The following SLC4A10 variants were observed in gnomAD, a reference collection of about 807,000 sequenced individuals.
The protein encoded by SLC4A10 is sodium-driven chloride bicarbonate exchanger.
A neutral mutation model predicts 137.7 loss-of-function variants in SLC4A10; 42 were observed. The observed-to-expected ratio is 0.30, with a 90% CI of 0.24 to 0.39. SLC4A10 has a LOEUF of 0.39. Among genes scored for constraint, SLC4A10 ranks in the 10% least tolerant of loss-of-function variants. SLC4A10 has a pLI of 1.00. For synonymous variants in SLC4A10, 474 were observed against 464.1 expected (o/e 1.02, Z -0.27); for missense variants, 925 against 1,355.0 (o/e 0.68, Z 4.98).
intron 15 of SLC4A10, among the ~76,000 whole-genome samples, chr2:161,923,463 G>A (rs1250270930): frequency 6.6e-6 from 1 of 152,030 alleles, no homozygotes; most frequent in African/African-American, 2.4e-5. Flanking sequence ...TTATGTCAGG[G>A]CCCATTCTAG....
chr2:161,869,383 CTAAA>C (rs2060967892), intron 6 of SLC4A10, among the ~76,000 whole-genome samples: 1 of 151,390 alleles, frequency 6.6e-6, no homozygotes, highest in Non-Finnish European at 1.5e-5. Context: ...TTGGCATAAA[CTAAA>C]TAATTGGCAT....
rs572905391 is a variant in SLC4A10 at position 161,841,595 on chromosome 2, T to C, written c.416+1668T>C. Among the ~76,000 whole-genome samples the C allele has an allele frequency of 5.9e-5, 9 of 152,332 alleles. No individual in the cohort carries two copies. The East Asian group carries it at 1.5e-3, about 26-fold the overall frequency. On this transcript the variant is annotated intron_variant, in intron 4 of 26. Transcript: ENST00000446997. Reference sequence around the variant, plus strand: ...ATAAATGCTCAATTATGAAAAAGAATGTTGTGAATAACAATGGCCCAGTTA... The same window carrying C: ...ATAAATGCTCAATTATGAAAAAGAACGTTGTGAATAACAATGGCCCAGTTA...
At chr2:161,787,837 G>A (rs563488948) in intron 2 of SLC4A10, among the ~76,000 whole-genome samples, 2 of 151,844 alleles carry the variant, frequency 1.3e-5, no homozygotes, top group East Asian at 1.9e-4. Flanking sequence ...TCTTTGTATT[G>A]GTTTTCAACA....
At chr2:161,669,800 T>C (rs1220196276) in intron 1 of SLC4A10, among the ~76,000 whole-genome samples, 1 of 152,058 alleles carries the variant, frequency 6.6e-6, no homozygotes, top group Non-Finnish European at 1.5e-5. Flanking sequence ...AATTATTATT[T>C]AGAATACCAA....
At chr2:161,634,495 C>A (rs1230067428) in intron 1 of SLC4A10, among the ~76,000 whole-genome samples, 2 of 151,794 alleles carry the variant, frequency 1.3e-5, no homozygotes, top group African/African-American at 4.8e-5. Flanking sequence ...AATTTTAGCA[C>A]TCATTGGTAA....
intron 15 of SLC4A10, among the ~76,000 whole-genome samples, chr2:161,911,138 A>G (rs1685745198): frequency 1.3e-5 from 2 of 151,980 alleles, no homozygotes; most frequent in African/African-American, 4.8e-5. Context: ...TGATTAATGG[A>G]ACATGTTGCA....
chr2:161,633,822 T>C (rs72873632), intron 1 of SLC4A10, among the ~76,000 whole-genome samples: 1,935 of 151,848 alleles, frequency 0.013, 25 homozygotes, highest in Middle Eastern at 0.059. Context: ...TTCCTAATAA[T>C]AAAATTAATA....
chr2:161,632,626 A>G (rs1399078000), intron 1 of SLC4A10, among the ~76,000 whole-genome samples: 2 of 151,554 alleles, frequency 1.3e-5, no homozygotes, highest in African/African-American at 2.4e-5. Context: ...AAACAACGGG[A>G]TTATTGAAAA....
chr2:161,979,572 A>G (rs190638329), intron 26 of SLC4A10, among the ~76,000 whole-genome samples: 26 of 152,380 alleles, frequency 1.7e-4, no homozygotes, highest in Non-Finnish European at 3.1e-4. Context: ...TCCTCATTAC[A>G]GTAGAAACTC....
At chr2:161,838,347 C>T (rs900866704) in intron 3 of SLC4A10, among the ~76,000 whole-genome samples, 1 of 151,688 alleles carries the variant, frequency 6.6e-6, no homozygotes, top group Admixed American at 6.6e-5. Context: ...TGGACCATAG[C>T]TTCAAGATGT....
chr2:161,798,422 A>G (rs796543658), intron 2 of SLC4A10, among the ~76,000 whole-genome samples: 2 of 151,900 alleles, frequency 1.3e-5, no homozygotes, highest in East Asian at 1.9e-4. Flanking sequence ...TATTAATAAC[A>G]TTATTAATCA....
intron 15 of SLC4A10, among the ~76,000 whole-genome samples, chr2:161,910,428 A>T (rs1450785529): frequency 6.6e-6 from 1 of 152,148 alleles, no homozygotes; most frequent in African/African-American, 2.4e-5. Flanking sequence ...TTATGGGAAT[A>T]ATCTTTTCTT....
intron 1 of SLC4A10, among the ~76,000 whole-genome samples, chr2:161,679,004 A>G (rs1200871173): frequency 6.6e-6 from 1 of 152,096 alleles, no homozygotes; most frequent in East Asian, 1.9e-4. Context: ...TAGGATGTGA[A>G]TACATTTACT....
chr2:161,660,581 T>TTTCTTTCTTTC (rs1344951342), intron 1 of SLC4A10, among the ~76,000 whole-genome samples: 5 of 131,310 alleles, frequency 3.8e-5, no homozygotes, highest in Non-Finnish European at 6.9e-5. Flanking sequence ...TCTTTCTTTC[T>TTTCTTTCTTTC]TTCTTTCTTT....
chr2:161,761,594 T>C lies in SLC4A10; in HGVS notation c.49-9379T>C, dbSNP rs142444842. On this transcript the variant is annotated intron_variant, in intron 1 of 26. Transcript: ENST00000446997. ...AAACAAGCAAACCAGCAGGCAAAAA[T>C]GCAGGTTTCGCTACCCTTTAAAATA... Among the ~76,000 whole-genome samples, 884 of 152,082 alleles carry C rather than the reference T, an allele frequency of 5.8e-3. 5 individuals carry two copies. The highest frequency in any genetic ancestry group is 1.0e-2 in the South Asian group (48 of 4,818).
At chr2:161,767,168 ATT>A (rs2050957983) in intron 1 of SLC4A10, among the ~76,000 whole-genome samples, 1 of 35,622 alleles carries the variant, frequency 2.8e-5, no homozygotes, top group Non-Finnish European at 5.3e-5. Flanking sequence ...TGTGTGTTTT[ATT>A]TATATATATG....
intron 10 of SLC4A10, among the ~76,000 whole-genome samples, chr2:161,885,224 A>G (rs2062157855): frequency 2.0e-5 from 3 of 152,258 alleles, no homozygotes; most frequent in African/African-American, 7.2e-5. Flanking sequence ...AAGAAAAAAG[A>G]AAAGAACAAT....
chr2:161,736,368 C>T (rs2047342856), intron 1 of SLC4A10, among the ~76,000 whole-genome samples: 1 of 152,080 alleles, frequency 6.6e-6, no homozygotes, highest in South Asian at 2.1e-4. Flanking sequence ...CCAGAAAAAG[C>T]TCATTAAACA....
At chr2:161,846,081 A>C (rs2059474355) in intron 4 of SLC4A10, among the ~76,000 whole-genome samples, 1 of 152,168 alleles carries the variant, frequency 6.6e-6, no homozygotes, top group African/African-American at 2.4e-5. Flanking sequence ...GATATTCAAC[A>C]AAAGTGTTAT....
Sources: gnomAD v4.1 joint callset for allele counts (sites outside exome capture counted in the v4.1 genomes callset) on GRCh38, gnomAD v4.1.1 for gene constraint, MANE v1.5 for transcripts, NCBI Gene and HGNC (gene_info 2026-07-23, HGNC 2026-07-21) for gene names.